The following CHD7 variants were observed in gnomAD, a reference collection of about 807,000 sequenced individuals.
CHD7 encodes chromodomain helicase DNA binding protein 7, also known as ATP-dependent chromatin remodeler CHD7.
Under a neutral mutation model 307.3 loss-of-function variants are expected in CHD7, and 24 were observed. The observed-to-expected ratio is 0.08, with a 90% CI of 0.06 to 0.11. The LOEUF (loss-of-function observed/expected upper bound fraction) is 0.11, where lower values mean the gene tolerates loss of function less well. Ranked by LOEUF, CHD7 falls within the 10% of genes least tolerant of loss-of-function variation. The pLI is 1.00. For synonymous variants in CHD7, 1,363 were observed against 1,349.9 expected, an observed-to-expected ratio of 1.01 and a Z score of -0.21; for missense variants, 3,106 against 3,727.1, an observed-to-expected ratio of 0.83 and a Z score of 4.34.
Position 60,838,270 on chromosome 8 carries a change from A to C in CHD7, c.4533+15A>C. On this transcript the variant is annotated intron_variant, in intron 19 of 37. Coordinates refer to ENST00000423902, the MANE Select transcript of CHD7 (RefSeq NM_017780.4). The stretch of plus-strand genomic sequence containing the variant: ...CATTTGCTAAGGTGTGAATCGATCT[A>C]AAGAGGCCAGGTTTTCCATAGAAGC... 1 of 1,592,832 alleles carries C rather than the reference A, an allele frequency of 6.3e-7. No individual in the cohort carries two copies. The highest frequency in any genetic ancestry group is 8.6e-7 in the Non-Finnish European group (1 of 1,169,062).
At chr8:60,757,046 C>T (rs929999808) in intron 2 of CHD7, among the ~76,000 whole-genome samples, 1 of 152,192 alleles carries the variant, frequency 6.6e-6, no homozygotes, top group African/African-American at 2.4e-5. Flanking sequence ...TATTGAGTCT[C>T]TAACATTTGT....
rs770971393 is a variant in CHD7, at chr8:60,816,528, A to G, written c.2613+27A>G. Reference sequence around the variant, plus strand: ...TACGACATACCTGCTTACTTTTCCAAAGTATTTACTTTGTTAAAATGTTCT... The same window carrying G: ...TACGACATACCTGCTTACTTTTCCAGAGTATTTACTTTGTTAAAATGTTCT... On this transcript the variant is annotated intron_variant, in intron 8 of 37. Transcript: ENST00000423902. 2.6e-5 allele frequency: 33 copies of G among 1,265,508 alleles called. No individual in the cohort carries two copies. In the African/African-American group the frequency reaches 4.4e-4, roughly 17 times the overall value. 78.4% of individuals were successfully genotyped at this position (1,265,508 alleles called of 1,614,324 possible). A position where few individuals can be genotyped will look rare whatever the true frequency, so the allele number is the denominator to read the frequency against.
chr8:60,838,138 C>A lies in CHD7; in HGVS notation c.4416C>A (p.Leu1472=), dbSNP rs546733576. 30 of 1,562,524 alleles carry A rather than the reference C, an allele frequency of 1.9e-5. No homozygotes were observed. In the South Asian group the frequency reaches 3.5e-4, roughly 18 times the overall value. The part of the protein sequence containing the change: ...DLLRKGAYGA[L]MDEEDEGSKF... ...TACGAAAAGGGGCCTATGGTGCACT[C>A]ATGGATGAGGAGGATGAAGGGTCTA... The change falls in exon 19 of 38, where the codon CTC becomes CTA. Residue 1472 remains leucine, a synonymous_variant. Transcript: ENST00000423902.
At chr8:60,770,168 G>C (rs183654532) in intron 2 of CHD7, among the ~76,000 whole-genome samples, 46 of 152,322 alleles carry the variant, frequency 3.0e-4, no homozygotes, top group African/African-American at 1.0e-3. Context: ...AATAATTGGT[G>C]GGACAGTTTA....
In CHD7 at chr8:60,822,116, A is replaced by G; in HGVS notation, c.2928A>G (p.Val976=). The G allele has an allele frequency of 6.2e-7, 1 of 1,613,696 alleles. No homozygotes were observed. The highest frequency in any genetic ancestry group is 8.5e-7 in the Non-Finnish European group (1 of 1,179,612). The change falls in exon 11 of 38, where the codon GTA becomes GTG. Residue 976 remains valine, a synonymous_variant. Coordinates refer to ENST00000423902, the MANE Select transcript of CHD7 (RefSeq NM_017780.4). Reference sequence around the variant, plus strand: ...TCAGGGAATACCAGTTGGAGGGAGTAAACTGGCTACTTTTCAATTGGTACA... The same window carrying G: ...TCAGGGAATACCAGTTGGAGGGAGTGAACTGGCTACTTTTCAATTGGTACA... ...NKLREYQLEG[V]NWLLFNWYNM...
At chr8:60,684,317 A>G (rs1215061990) in intron 1 of CHD7, among the ~76,000 whole-genome samples, 1 of 152,082 alleles carries the variant, frequency 6.6e-6, no homozygotes, top group Non-Finnish European at 1.5e-5. Flanking sequence ...CAGAATCTGG[A>G]CTGTGATTAG....
At chr8:60,778,233 A>G (rs1282478877) in intron 2 of CHD7, among the ~76,000 whole-genome samples, 12 of 152,168 alleles carry the variant, frequency 7.9e-5, no homozygotes, top group African/African-American at 2.4e-4. Context: ...GCTTTTCTCT[A>G]AAAGATTTAA....
rs555375926 is a variant in CHD7, at chr8:60,776,679, G to A, written c.1666-4321G>A. Among the ~76,000 whole-genome samples the A allele has an allele frequency of 7.9e-5, 12 of 152,220 alleles. No homozygotes were observed. In the South Asian group the frequency reaches 2.3e-3, roughly 29 times the overall value. On this transcript the variant is annotated intron_variant, in intron 2 of 37. Transcript: ENST00000423902. ...ATGAATTGGGTACTAGATACCAAATGCATCTTCTTTTTTATCAGTGTCATT... is the reference window on the plus strand; with the variant it reads ...ATGAATTGGGTACTAGATACCAAATACATCTTCTTTTTTATCAGTGTCATT...
chr8:60,711,975 GAA>G (rs1284329376), intron 1 of CHD7, among the ~76,000 whole-genome samples: 1 of 152,246 alleles, frequency 6.6e-6, no homozygotes, highest in East Asian at 1.9e-4. Flanking sequence ...TTTCAACCTT[GAA>G]AGTCATTGAT....
At chr8:60,771,685 G>T (rs1223211600) in intron 2 of CHD7, among the ~76,000 whole-genome samples, 2 of 8,170 alleles carry the variant, frequency 2.4e-4, no homozygotes, top group African/African-American at 6.2e-4. Context: ...AGTCTTGACT[G>T]GGGAGGAATC....
rs759347960 is a variant in CHD7, at chr8:60,742,998, C to T, written c.1566C>T (p.Gly522=). ...GTCCTCCACTGCAGCCTCACCCGGG[C>T]TTGCACCACCAGTCTTCACCTCCAC... ...PTCPPLQPHP[G]LHHQSSPPHP... is the part of the protein sequence containing the mutation. The change falls in exon 2 of 38, where the codon GGC becomes GGT. Residue 522 remains glycine, a synonymous_variant. Transcript: ENST00000423902. The T allele has an allele frequency of 2.0e-5, 33 of 1,613,708 alleles. No homozygotes were observed. The highest frequency in any genetic ancestry group is 1.6e-4 in the Middle Eastern group (1 of 6,084).
intron 15 of CHD7, among the ~76,000 whole-genome samples, chr8:60,834,594 TAAAG>T (rs1280933109): frequency 2.0e-5 from 3 of 152,232 alleles, no homozygotes; most frequent in Non-Finnish European, 4.4e-5. Context: ...TTTCCATACT[TAAAG>T]AAACATTCTG....
intron 2 of CHD7, among the ~76,000 whole-genome samples, chr8:60,743,595 CTTTG>C (rs768039108): frequency 6.6e-5 from 10 of 152,138 alleles, no homozygotes; most frequent in Non-Finnish European, 1.5e-4. Flanking sequence ...TAACTGTTGA[CTTTG>C]TTAGTGTGAG....
chr8:60,725,275 G>A (rs1808109121), intron 1 of CHD7, among the ~76,000 whole-genome samples: 1 of 152,322 alleles, frequency 6.6e-6, no homozygotes, highest in East Asian at 1.9e-4. Context: ...CTCCTGAAGG[G>A]TTTTAAAAAT....
In CHD7 at chr8:60,848,563, A is replaced by G; in HGVS notation, c.5259A>G (p.Ile1753Met). ...RMLYYLRQEV[I>M]GDQADKILEG... ...TGTACTACCTAAGACAAGAAGTGAT[A>G]GGAGACCAGGCGGATAAGATCTTAG... The change falls in exon 24 of 38, where the codon ATA becomes ATG. Residue 1753 changes from isoleucine (I) to methionine (M), a missense_variant. This residue lies in a region of CHD7 where 1,030 missense variants were observed against 1,165.4 expected (regional missense o/e 0.88). Transcript: ENST00000423902. 1 of 1,613,740 alleles carries G rather than the reference A, an allele frequency of 6.2e-7. No homozygotes were observed.
At position 60,860,995 on chromosome 8, in the gene CHD7, C is replaced by T. The variant is rs767610555; in HGVS notation, c.7700C>T (p.Thr2567Ile). The T allele has an allele frequency of 6.2e-6, 10 of 1,613,882 alleles. No homozygotes were observed. In the East Asian group the frequency reaches 8.9e-5, roughly 14 times the overall value. ...TCTCCCGGACAGCTGGACCCAGACACACGGATCCCTGTTATCAATCTTGAA... is the reference window on the plus strand; with the variant it reads ...TCTCCCGGACAGCTGGACCCAGACATACGGATCCCTGTTATCAATCTTGAA... ...IPSPGQLDPD[T>I]RIPVINLEDG... The change falls in exon 35 of 38, where the codon ACA (threonine) becomes ATA (isoleucine). Residue 2567 changes from threonine to isoleucine, a missense_variant. By Grantham distance (89) the Thr-to-Ile change is moderately conservative (BLOSUM62 -1). Around this residue, in one of 10 missense-constraint regions of CHD7, gnomAD observed 1,030 missense variants for 1,165.4 expected, o/e 0.88. Coordinates refer to ENST00000423902, the MANE Select transcript of CHD7 (RefSeq NM_017780.4).
At chr8:60,694,711 G>A (rs534323508) in intron 1 of CHD7, among the ~76,000 whole-genome samples, 4 of 152,308 alleles carry the variant, frequency 2.6e-5, no homozygotes, top group South Asian at 4.1e-4. Context: ...CACAGCCACT[G>A]CCACCCCCTG....
intron 12 of CHD7, 96 bp from the exon 13 acceptor site, chr8:60,823,744 A>G: frequency 1.2e-5 from 12 of 1,043,158 alleles, no homozygotes; most frequent in Non-Finnish European, 1.7e-5. Flanking sequence ...GAGATCTCCA[A>G]AGGGATAAAT....
At position 60,718,403 on chromosome 8, in the gene CHD7, A is replaced by C. The variant is rs1465304872; in HGVS notation, c.-174-22856A>C. Among the ~76,000 whole-genome samples the C allele has an allele frequency of 3.3e-5, 5 of 152,102 alleles. No homozygotes were observed. In the East Asian group the frequency reaches 9.6e-4, roughly 29 times the overall value. On this transcript the variant is annotated intron_variant, in intron 1 of 37. Transcript: ENST00000423902. ...GGCAGGAGAATCTCTTGAACCCGGT[A>C]GGTGGAGGTTGCAGTGAGCCAAGAT...
Sources: gnomAD v4.1 joint callset for allele counts (sites outside exome capture counted in the v4.1 genomes callset) on GRCh38, gnomAD v4.1.1 for gene constraint, gnomAD v4.1.1 regional missense constraint, MANE v1.5 for transcripts, NCBI Gene and HGNC (gene_info 2026-07-23, HGNC 2026-07-21) for gene names.